Variants in SEMA3C observed in about 807,000 individuals in gnomAD.
SEMA3C encodes semaphorin-3C.
Under a neutral mutation model 89.4 loss-of-function variants are expected in SEMA3C, and 47 were observed. That is an observed-to-expected ratio of 0.53 (90% CI 0.42 to 0.67). The LOEUF (loss-of-function observed/expected upper bound fraction) is 0.67. Among genes scored for constraint, SEMA3C ranks in the 30% least tolerant of loss-of-function variants. SEMA3C has a pLI of 0.00. For missense variants in SEMA3C, 839 were observed against 929.1 expected, an observed-to-expected ratio of 0.90 and a Z score of 1.26; for synonymous variants, 310 against 320.2, an observed-to-expected ratio of 0.97 and a Z score of 0.34.
At chr7:80,794,794 G>C (rs1465815002) in intron 11 of SEMA3C, among the ~76,000 whole-genome samples, 5 of 152,144 alleles carry the variant, frequency 3.3e-5, no homozygotes, top group Non-Finnish European at 1.5e-5. Flanking sequence ...TTCATTCTTT[G>C]GCTGCCCTTT....
Position 80,748,939 on chromosome 7 carries a change from T to C in SEMA3C, c.1801A>G (p.Ile601Val), listed in dbSNP as rs34020175. ...ECAPKSPQAS[I>V]KWLLQKDKDR... ...TTGTCTTTCTGTAACAGCCACTTGA[T>C]AGATGCCTGCGGAGACTTGGGGGCA... The change falls in exon 17 of 18, where the codon ATC (isoleucine) becomes GTC (valine). Residue 601 changes from isoleucine (I) to valine (V), a missense_variant. Coordinates refer to ENST00000265361, the MANE Select transcript of SEMA3C (RefSeq NM_006379.5). 7.7e-4 allele frequency: 1,245 copies of C among 1,613,442 alleles called. 10 individuals carry two copies. The African/African-American group carries it at 0.014, about 18-fold the overall frequency.
chr7:80,905,826 T>TTA (rs1792000425), intron 2 of SEMA3C: 2 of 1,286,184 alleles, frequency 1.6e-6, no homozygotes, highest in African/African-American at 1.5e-5. Flanking sequence ...TTATGCCACT[T>TTA]ACTAGAGTAG....
intron 2 of SEMA3C, among the ~76,000 whole-genome samples, chr7:80,833,525 C>T (rs1171996785): frequency 6.6e-6 from 1 of 151,912 alleles, no homozygotes; most frequent in Non-Finnish European, 1.5e-5. Flanking sequence ...TCAAATACTG[C>T]AGGGAGCAAT....
intron 13 of SEMA3C, among the ~76,000 whole-genome samples, chr7:80,762,593 C>T (rs901867221): frequency 1.8e-4 from 28 of 152,060 alleles, no homozygotes; most frequent in African/African-American, 5.5e-4. Flanking sequence ...CTGAGGCGGG[C>T]GGATCACCCT....
At chr7:80,887,024 T>A (rs1791499634) in intron 2 of SEMA3C, among the ~76,000 whole-genome samples, 1 of 152,140 alleles carries the variant, frequency 6.6e-6, no homozygotes, top group African/African-American at 2.4e-5. Flanking sequence ...TAAATTAAAT[T>A]AACTAAAATT....
intron 2 of SEMA3C, among the ~76,000 whole-genome samples, chr7:80,881,130 T>C (rs1159383388): frequency 6.7e-6 from 1 of 149,104 alleles, no homozygotes; most frequent in African/African-American, 2.5e-5. Flanking sequence ...ACCAAAAAAA[T>C]TCATGCCTGT....
At chr7:80,830,981 G>C (rs953493459) in intron 2 of SEMA3C, among the ~76,000 whole-genome samples, 1 of 152,148 alleles carries the variant, frequency 6.6e-6, no homozygotes, top group Admixed American at 6.6e-5. Context: ...GGTTGGAGAG[G>C]ACACAGACTG....
intron 4 of SEMA3C, among the ~76,000 whole-genome samples, chr7:80,827,136 C>T (rs1056057383): frequency 2.6e-5 from 4 of 152,040 alleles, no homozygotes; most frequent in Non-Finnish European, 2.9e-5. Context: ...GAGAATTCTG[C>T]AGGTTGAATC....
At chr7:80,911,880 G>A (rs1398765795) in intron 2 of SEMA3C, among the ~76,000 whole-genome samples, 3 of 151,980 alleles carry the variant, frequency 2.0e-5, no homozygotes, top group South Asian at 4.1e-4. Context: ...TGATCCACCC[G>A]CCTTGGCCTC....
chr7:80,921,955 A>G (rs533879649), upstream of SEMA3C, among the ~76,000 whole-genome samples: 60 of 152,318 alleles, frequency 3.9e-4, 3 homozygotes, highest in African/African-American at 1.4e-3. Context: ...ATTTTTCCCT[A>G]TTATACAGAT....
rs187496244 is a variant in SEMA3C, at chr7:80,833,270, T to C, written c.104-4525A>G. Among the ~76,000 whole-genome samples the C allele has an allele frequency of 3.4e-3, 511 of 151,996 alleles. 4 individuals carry two copies. The highest frequency in any genetic ancestry group is 0.012 in the South Asian group (57 of 4,808). On this transcript the variant is annotated intron_variant, in intron 2 of 17. Transcript: ENST00000265361. ...CAACATGGTGAAACCCCATCTCTACTAAAAATACAAAAATTAGCTGGGCAT... is the reference window on the plus strand; with the variant it reads ...CAACATGGTGAAACCCCATCTCTACCAAAAATACAAAAATTAGCTGGGCAT...
rs771895575 is a variant in SEMA3C, at chr7:80,744,935, G to A, written c.2215C>T (p.Arg739Trp). The A allele has an allele frequency of 6.8e-6, 11 of 1,613,974 alleles. No homozygotes were observed. Among genetic ancestry groups the A allele is most frequent in the South Asian group, 3.3e-5 (3 of 91,072 alleles). ...YGKLKALINS[R>W]KSRNRRNQLP... is the part of the protein sequence containing the mutation. ...TGATTCCTCCTGTTTCTACTTTTCC[G>A]ACTATTGATGAGGGCCTTTAACTTG... Residue 739 changes from arginine (R) to tryptophan (W), a missense_variant, in exon 18 of 18, where the codon CGG becomes TGG. Coordinates refer to ENST00000265361, the MANE Select transcript of SEMA3C (RefSeq NM_006379.5).
At chr7:80,826,532 C>T (rs1351937228) in intron 4 of SEMA3C, among the ~76,000 whole-genome samples, 3 of 152,076 alleles carry the variant, frequency 2.0e-5, no homozygotes, top group Non-Finnish European at 4.4e-5. Context: ...TCTGTCTTTG[C>T]ACCAATTATG....
rs376425742 is a variant in SEMA3C at position 80,745,085 on chromosome 7, G to T, written c.2065C>A (p.His689Asn). The T allele has an allele frequency of 3.8e-5, 62 of 1,613,916 alleles. No individual in the cohort carries two copies. Among genetic ancestry groups the T allele is most frequent in the African/African-American group, 5.3e-5 (4 of 74,910 alleles). Residue 689 changes from histidine (H) to asparagine (N), a missense_variant, in exon 18 of 18, where the codon CAC becomes AAC. Transcript: ENST00000265361. The part of the protein sequence containing the change: ...WASSVRALPF[H>N]PKDIMGAFSH... Reference sequence around the variant, plus strand: ...AATGCCCCCATGATGTCCTTCGGGTGGAAGGGTAAAGCCCTCACAGAGCTG... The same window carrying T: ...AATGCCCCCATGATGTCCTTCGGGTTGAAGGGTAAAGCCCTCACAGAGCTG...
At chr7:80,817,655 C>T (rs72612625) in intron 5 of SEMA3C, among the ~76,000 whole-genome samples, 6,663 of 147,116 alleles carry the variant, frequency 0.045, 374 homozygotes, top group East Asian at 0.26. Context: ...GTTTAGCAAA[C>T]ATCATACCAT....
chr7:80,773,262 A>C (rs1788474103), intron 12 of SEMA3C, among the ~76,000 whole-genome samples: 1 of 152,178 alleles, frequency 6.6e-6, no homozygotes, highest in Non-Finnish European at 1.5e-5. Flanking sequence ...GAATTATAAT[A>C]AAGAATTTTC....
At chr7:80,753,185 C>T (rs1451054024) in intron 15 of SEMA3C, among the ~76,000 whole-genome samples, 1 of 152,078 alleles carries the variant, frequency 6.6e-6, no homozygotes, top group Non-Finnish European at 1.5e-5. Flanking sequence ...TCTGTACACA[C>T]GAAAACAGTG....
At chr7:80,822,516 C>T (rs1789777724) in intron 4 of SEMA3C, among the ~76,000 whole-genome samples, 1 of 151,910 alleles carries the variant, frequency 6.6e-6, no homozygotes, top group African/African-American at 2.4e-5. Context: ...GTGATGAAAT[C>T]AGAGAGGTAA....
At chr7:80,909,849 G>A (rs559422414) in intron 2 of SEMA3C, among the ~76,000 whole-genome samples, 11 of 152,186 alleles carry the variant, frequency 7.2e-5, no homozygotes, top group East Asian at 3.9e-4. Flanking sequence ...CTCAATCTTC[G>A]CAAAGAGAAT....
Sources: allele counts gnomAD v4.1 joint callset (sites outside exome capture counted in the v4.1 genomes callset), GRCh38; gene constraint gnomAD v4.1.1; transcripts MANE v1.5; gene names NCBI Gene and HGNC (gene_info 2026-07-23, HGNC 2026-07-21).